RBBP5: variants seen among roughly 807,000 people sequenced by gnomAD.
The protein encoded by RBBP5 is RB binding protein 5, histone lysine methyltransferase complex subunit.
Under a neutral mutation model 72.2 loss-of-function variants are expected in RBBP5, and 5 were observed. That is an observed-to-expected ratio of 0.07 (90% CI 0.04 to 0.15). The LOEUF is 0.15. RBBP5 is among the 10% of genes least tolerant of loss of function. The pLI is 1.00. For synonymous variants in RBBP5, 209 were observed against 237.2 expected (o/e 0.88, Z 1.09); for missense variants, 322 against 652.2 (o/e 0.49, Z 5.51).
At chr1:205,097,123 T>C (rs1194969874) in intron 11 of RBBP5, among the ~76,000 whole-genome samples, 1 of 152,224 alleles carries the variant, frequency 6.6e-6, no homozygotes, top group Non-Finnish European at 1.5e-5. Context: ...TTTGGTTCCT[T>C]AAAATTCTCT....
chr1:205,114,032 G>A (rs1656427100), intron 3 of RBBP5, among the ~76,000 whole-genome samples: 1 of 152,190 alleles, frequency 6.6e-6, no homozygotes, highest in South Asian at 2.1e-4. Context: ...AAACAGAAAG[G>A]CGGTGGAAGG....
intron 1 of RBBP5, among the ~76,000 whole-genome samples, chr1:205,116,673 G>T (rs1362171758): frequency 6.6e-6 from 1 of 152,176 alleles, no homozygotes; most frequent in Non-Finnish European, 1.5e-5. Context: ...AATTAGCCAG[G>T]TGTGGTGGTG....
At chr1:205,117,756 C>G (rs1158943786) in intron 1 of RBBP5, among the ~76,000 whole-genome samples, 2 of 152,018 alleles carry the variant, frequency 1.3e-5, no homozygotes, top group South Asian at 2.1e-4. Context: ...GATAACCCCA[C>G]TGAAAATTTG....
At chr1:205,119,230 T>C (rs920753164) in intron 1 of RBBP5, among the ~76,000 whole-genome samples, 1 of 151,998 alleles carries the variant, frequency 6.6e-6, no homozygotes, top group Non-Finnish European at 1.5e-5. Flanking sequence ...CAGTCTCTAC[T>C]AAAAATACAA....
At chr1:205,121,342 G>T (rs1014758936) in intron 1 of RBBP5, among the ~76,000 whole-genome samples, 1 of 152,164 alleles carries the variant, frequency 6.6e-6, no homozygotes, top group South Asian at 2.1e-4. Flanking sequence ...GGATTCCAGT[G>T]CCAACTATGC....
chr1:205,089,048 G>T (rs187302892), intron 13 of RBBP5, among the ~76,000 whole-genome samples: 21 of 152,190 alleles, frequency 1.4e-4, no homozygotes, highest in African/African-American at 4.3e-4. Flanking sequence ...TGTCCCAAAG[G>T]GTTGGGGGAA....
chr1:205,096,755 T>G lies in RBBP5; in HGVS notation c.1323A>C (p.Ser441=). Residue 441 remains serine (S), a synonymous_variant, in exon 12 of 14, where the codon TCA becomes TCC. Coordinates refer to ENST00000264515, the MANE Select transcript of RBBP5 (RefSeq NM_005057.4). ...TCTTAGGTGGCTGGGACCCATCTGC[T>G]GAGGACTGCCTCTTCTTCTCTGAAC... The part of the protein sequence containing the change: ...GASSEKKRQS[S]ADGSQPPKKK... 1 of 1,614,224 alleles carries G rather than the reference T, an allele frequency of 6.2e-7. No individual in the cohort carries two copies. Among genetic ancestry groups the G allele is most frequent in the Non-Finnish European group, 8.5e-7 (1 of 1,180,046 alleles).
At chr1:205,115,952 A>G in intron 1 of RBBP5, 69 bp from the exon 2 acceptor site, 1 of 1,613,692 alleles carries the variant, frequency 6.2e-7, no homozygotes, top group Non-Finnish European at 8.5e-7. Context: ...ACTCACGAAC[A>G]GTGTATAGCA....
chr1:205,101,465 G>T lies in RBBP5; in HGVS notation c.632+135C>A, dbSNP rs1015819606. The T allele has an allele frequency of 3.5e-5, 20 of 573,802 alleles. 1 individual carries two copies. The highest frequency in any genetic ancestry group is 2.5e-4 in the East Asian group (8 of 31,774). 35.5% of individuals were successfully genotyped at this position (573,802 alleles called of 1,614,324 possible). On this transcript the variant is annotated intron_variant, in intron 6 of 13. Transcript: ENST00000264515. ...GTTATGAACTCGAAAACCAGATATT[G>T]TAAGTTTCTAAAAACCTTAAGTACA...
In RBBP5 at chr1:205,086,630, TTCAAA is replaced by T. The variant is rs1186598737; in HGVS notation, c.*2152_*2156del. 1 of 152,012 alleles carries T rather than the reference TTCAAA, an allele frequency of 6.6e-6. No homozygotes were observed. Among genetic ancestry groups the T allele is most frequent in the Non-Finnish European group, 1.5e-5 (1 of 67,992 alleles). 9.4% of individuals were successfully genotyped at this position (152,012 alleles called of 1,614,324 possible). A position where few individuals can be genotyped will look rare whatever the true frequency, so the allele number is the denominator to read the frequency against. The stretch of plus-strand genomic sequence containing the variant: ...TACATATATTGTACAAATCAAATAA[TTCAAA>T]TTGAAATGGATAGAAGGTTTTTTAA... On this transcript the variant is annotated 3_prime_UTR_variant, in exon 14 of 14. Transcript: ENST00000264515.
intron 4 of RBBP5, among the ~76,000 whole-genome samples, chr1:205,104,734 G>C (rs1208322930): frequency 6.6e-6 from 1 of 151,948 alleles, no homozygotes; most frequent in Non-Finnish European, 1.5e-5. Context: ...CCAGCTACTC[G>C]AGAGGCTGAG....
At chr1:205,117,587 G>A (rs1574721683) in intron 1 of RBBP5, among the ~76,000 whole-genome samples, 1 of 151,776 alleles carries the variant, frequency 6.6e-6, no homozygotes, top group Admixed American at 6.5e-5. Flanking sequence ...TTGAACCTGG[G>A]AGGCAGAGGT....
Position 205,099,469 on chromosome 1 carries a change from C to A in RBBP5, c.978+272G>T, listed in dbSNP as rs1303476850. 4.0e-5 allele frequency among the ~76,000 whole-genome samples: 6 copies of A among 151,722 alleles called. No homozygotes were observed. Among genetic ancestry groups the A allele is most frequent in the African/African-American group, 9.7e-5 (4 of 41,260 alleles). On this transcript the variant is annotated intron_variant, in intron 9 of 13. Transcript: ENST00000264515. The surrounding 1 kb of genome is among the most constrained non-coding windows in gnomAD (Gnocchi z 4.7). ...GAAACTGAGCTGAAAGTAAGAAAAG[C>A]AAAAGAAAAATGTTATCTCAAATAA...
rs746716551 is a variant in RBBP5, at chr1:205,121,936, C to T, written c.-63G>A. 225 of 1,603,028 alleles carry T rather than the reference C, an allele frequency of 1.4e-4. No individual in the cohort carries two copies. The highest frequency in any genetic ancestry group is 1.8e-4 in the Non-Finnish European group (212 of 1,179,310). On this transcript the variant is annotated 5_prime_UTR_variant, in exon 1 of 14. Coordinates refer to ENST00000264515, the MANE Select transcript of RBBP5 (RefSeq NM_005057.4). ...ACAACACCTTCTCCCCGGCCGGCTT[C>T]AGCAACTTGCGTCTAAGTGGTGGAC...
intron 1 of RBBP5, among the ~76,000 whole-genome samples, chr1:205,118,724 A>G (rs1232708745): frequency 6.6e-6 from 1 of 152,248 alleles, no homozygotes; most frequent in Non-Finnish European, 1.5e-5. Context: ...ACGTGTAGGT[A>G]TATATAGTGA....
At position 205,101,727 on chromosome 1, in the gene RBBP5, G is replaced by A. The variant is rs763492721; in HGVS notation, c.523-18C>T. 1.9e-5 allele frequency: 29 copies of A among 1,545,632 alleles called. No homozygotes were observed. Among genetic ancestry groups the A allele is most frequent in the South Asian group, 2.3e-5 (2 of 88,000 alleles). ...ACCAAAATCTAAAGTTTAAAGGAGG[G>A]GGGAAAAAAGTAAGTGTTCCAATAA... is the stretch of plus-strand genomic sequence containing the variant. On this transcript the variant is annotated intron_variant, in intron 5 of 13. Coordinates refer to ENST00000264515, the MANE Select transcript of RBBP5 (RefSeq NM_005057.4).
intron 13 of RBBP5, among the ~76,000 whole-genome samples, chr1:205,093,515 TATATATATATATATATATACACACAC>T (rs1558570426): frequency 5.1e-4 from 7 of 13,666 alleles, no homozygotes; most frequent in Admixed American, 1.2e-3. Context: ...TATATATATA[TATATATATATATATATATACACACAC>T]ACACACACAC....
intron 4 of RBBP5, 108 bp from the exon 5 acceptor site, chr1:205,104,127 A>G (rs976495638): frequency 1.7e-6 from 2 of 1,200,584 alleles, no homozygotes; most frequent in African/African-American, 1.5e-5. Context: ...TCTCCCACCC[A>G]AGCAAATTTG....
At chr1:205,109,137 A>C (rs771611217) in intron 3 of RBBP5, among the ~76,000 whole-genome samples, 3 of 152,176 alleles carry the variant, frequency 2.0e-5, no homozygotes, top group Non-Finnish European at 4.4e-5. Flanking sequence ...GAATACCTGT[A>C]GTCAGGCAAT....
Sources: gnomAD v4.1 joint callset for allele counts (sites outside exome capture counted in the v4.1 genomes callset) on GRCh38, gnomAD v4.1.1 for gene constraint, Gnocchi (gnomAD v3.1) non-coding constraint, MANE v1.5 for transcripts, NCBI Gene and HGNC (gene_info 2026-07-23, HGNC 2026-07-21) for gene names.